HERC2: variants seen among roughly 807,000 people sequenced by gnomAD.
HERC2 encodes E3 ubiquitin-protein ligase HERC2.
A neutral mutation model predicts 537.7 loss-of-function variants in HERC2; 102 were observed. The observed-to-expected ratio is 0.19, with a 90% CI of 0.16 to 0.22. The LOEUF is 0.22. Among genes scored for constraint, HERC2 ranks in the 10% least tolerant of loss-of-function variants. The pLI is 1.00. For missense variants in HERC2, 4,236 were observed against 6,198.2 expected (o/e 0.68, Z 10.63); for synonymous variants, 2,224 against 2,466.2 (o/e 0.90, Z 2.91).
intron 4 of HERC2, among the ~76,000 whole-genome samples, chr15:28,282,765 C>G (rs1453803037): frequency 6.6e-6 from 1 of 152,098 alleles, no homozygotes; most frequent in Admixed American, 6.6e-5. Context: ...AACCTCATCT[C>G]TATTAAAAAT....
chr15:28,137,517 T>C (rs572464299), intron 78 of HERC2, among the ~76,000 whole-genome samples: 2 of 152,370 alleles, frequency 1.3e-5, no homozygotes, highest in Non-Finnish European at 2.9e-5. Context: ...TTTAAACTTT[T>C]TCATTATTTT....
rs2140158726 is a variant in HERC2 at position 28,177,332 on chromosome 15, A to G, written c.9254+87T>C. The G allele has an allele frequency of 7.1e-7, 1 of 1,413,544 alleles. No individual in the cohort carries two copies. Among genetic ancestry groups the G allele is most frequent in the East Asian group, 2.3e-5 (1 of 43,056 alleles). The allele number at this position is 1,413,544 out of a possible 1,614,324, so 87.6% of individuals were successfully genotyped here. A position where few individuals can be genotyped will look rare whatever the true frequency, so the allele number is the denominator to read the frequency against. ...AAGAACCATTTCTATAATCTATTCT[A>G]TTCTAATTTTCTGCAAAATAATTCT... On this transcript the variant is annotated intron_variant, in intron 60 of 92. Coordinates refer to ENST00000261609, the MANE Select transcript of HERC2 (RefSeq NM_004667.6). This position sits in a 1 kb window ranked among gnomAD's most constrained non-coding sequence, Gnocchi z 5.0.
intron 80 of HERC2, 126 bp downstream of exon 80, chr15:28,132,527 C>A (rs1890213220): frequency 1.0e-6 from 1 of 998,520 alleles, no homozygotes; most frequent in African/African-American, 1.6e-5. Flanking sequence ...CTTCTTGCAC[C>A]CAAAAATACA....
At chr15:28,155,777 T>C (rs1354505973) in intron 69 of HERC2, among the ~76,000 whole-genome samples, 2 of 152,184 alleles carry the variant, frequency 1.3e-5, no homozygotes, top group African/African-American at 2.4e-5. Context: ...TTGGATCCCA[T>C]TTGTCAATTT....
chr15:28,153,663 A>T (rs1481315687), intron 69 of HERC2, among the ~76,000 whole-genome samples: 1 of 152,194 alleles, frequency 6.6e-6, no homozygotes, highest in Non-Finnish European at 1.5e-5. Flanking sequence ...AAAAAGAAAA[A>T]GAAAAAAAAG....
intron 20 of HERC2, among the ~76,000 whole-genome samples, chr15:28,252,572 T>C (rs2075119078): frequency 6.6e-6 from 1 of 152,232 alleles, no homozygotes; most frequent in South Asian, 2.1e-4. Flanking sequence ...ACACGGCTTT[T>C]ATTCTTATTC....
intron 71 of HERC2, among the ~76,000 whole-genome samples, chr15:28,145,828 C>A (rs750667490): frequency 6.6e-6 from 1 of 152,204 alleles, no homozygotes. Flanking sequence ...CAGAGATAAG[C>A]CGGACATGTG....
At chr15:28,228,944 C>A (rs561482773) in intron 34 of HERC2, among the ~76,000 whole-genome samples, 22 of 152,324 alleles carry the variant, frequency 1.4e-4, no homozygotes, top group Admixed American at 9.8e-4. Context: ...GACACAGACA[C>A]TTTAGGATAT....
chr15:28,258,340 T>C (rs1026622980), intron 16 of HERC2, among the ~76,000 whole-genome samples: 3 of 151,978 alleles, frequency 2.0e-5, no homozygotes, highest in Admixed American at 6.6e-5. Context: ...AGCATGCTGG[T>C]GCATGCCGGT....
rs534773454 is a variant in HERC2, at chr15:28,271,093, A to G, written c.1084-225T>C. On this transcript the variant is annotated intron_variant, in intron 9 of 92. Transcript: ENST00000261609. ...CACGCATACACAACATTGACTGCGC[A>G]TGTATACATTTATGATACCACAGGT... 3.9e-5 allele frequency among the ~76,000 whole-genome samples: 6 copies of G among 152,318 alleles called. No individual in the cohort carries two copies. In the South Asian group the frequency reaches 6.2e-4, roughly 16 times the overall value.
chr15:28,240,986 T>G (rs1475500342), intron 23 of HERC2, among the ~76,000 whole-genome samples: 1 of 152,160 alleles, frequency 6.6e-6, no homozygotes, highest in Non-Finnish European at 1.5e-5. Flanking sequence ...CTGAATTTGG[T>G]GACGTGTCTT....
At chr15:28,251,066 A>T (rs963853368) in intron 20 of HERC2, among the ~76,000 whole-genome samples, 4 of 152,206 alleles carry the variant, frequency 2.6e-5, no homozygotes, top group African/African-American at 9.6e-5. Context: ...AAGACACAGG[A>T]GACAACCTGT....
intron 72 of HERC2, 148 bp downstream of exon 72, chr15:28,144,525 C>T (rs932168682): frequency 1.0e-5 from 11 of 1,091,988 alleles, no homozygotes; most frequent in Non-Finnish European, 1.5e-5. Flanking sequence ...CTGTTCCACG[C>T]CTCAGCAGGG....
In HERC2 at chr15:28,292,949, A is replaced by G; in HGVS notation, c.261T>C (p.Thr87=). Residue 87 remains threonine, a synonymous_variant, in exon 4 of 93, where the codon ACT becomes ACC. Transcript: ENST00000261609. ...ACTTGGCCCTATATATAGGTGCAGG[A>G]GTTTCTTCTTCATCTTTTTTCTCTT... ...NDKEKKDEEE[T]PAPIYRAKSI... The G allele has an allele frequency of 6.2e-7, 1 of 1,610,914 alleles. No homozygotes were observed. The highest frequency in any genetic ancestry group is 2.2e-5 in the East Asian group (1 of 44,842).
Position 28,275,706 on chromosome 15 carries a change from C to T in HERC2, c.543-701G>A, listed in dbSNP as rs143577354. ...GCTGAGGCAGGAGAATGGTGTGAACCTGGGGGGTGCAGCTTGCAGTGAGCC... is the reference window on the plus strand; with the variant it reads ...GCTGAGGCAGGAGAATGGTGTGAACTTGGGGGGTGCAGCTTGCAGTGAGCC... On this transcript the variant is annotated intron_variant, in intron 5 of 92. Coordinates refer to ENST00000261609, the MANE Select transcript of HERC2 (RefSeq NM_004667.6). Among the ~76,000 whole-genome samples, 99 of 152,020 alleles carry T rather than the reference C, an allele frequency of 6.5e-4. No homozygotes were observed. In the East Asian group the frequency reaches 9.7e-3, roughly 15 times the overall value.
intron 52 of HERC2, among the ~76,000 whole-genome samples, chr15:28,192,943 C>T (rs76461120): frequency 3.3e-5 from 5 of 150,244 alleles, no homozygotes; most frequent in African/African-American, 1.2e-4. Flanking sequence ...TTTTTTTTTC[C>T]AACAGATTGC....
At position 28,238,664 on chromosome 15, in the gene HERC2, T is replaced by G. The variant is rs1472144591; in HGVS notation, c.3686A>C (p.Asp1229Ala). Reference protein sequence around the residue: ...NKDGGFWTVIDGKVYDIKDFQ... With the variant: ...NKDGGFWTVIAGKVYDIKDFQ... ...GTCCTTTATATCATACACCTTCCCG[T>G]CAATCACAGTCCAGAAGCCTCCATC... The change falls in exon 24 of 93, where the codon GAC becomes GCC. Residue 1229 changes from aspartate to alanine, a missense_variant. By Grantham distance (126) the Asp-to-Ala change is moderately radical. This residue lies in a region of HERC2 where 754 missense variants were observed against 1,085.0 expected (regional missense o/e 0.69). Coordinates refer to ENST00000261609, the MANE Select transcript of HERC2 (RefSeq NM_004667.6). The G allele has an allele frequency of 6.2e-7, 1 of 1,611,612 alleles. No individual in the cohort carries two copies. Among genetic ancestry groups the G allele is most frequent in the Non-Finnish European group, 8.5e-7 (1 of 1,179,528 alleles).
chr15:28,241,199 A>G (rs1903079475), intron 23 of HERC2, among the ~76,000 whole-genome samples: 1 of 152,196 alleles, frequency 6.6e-6, no homozygotes, highest in Non-Finnish European at 1.5e-5. Context: ...AAACCCAATT[A>G]AAACACGGGC....
At chr15:28,256,875 G>A (rs112893411) in intron 17 of HERC2, among the ~76,000 whole-genome samples, 186 bp downstream of exon 17, 9 of 152,326 alleles carry the variant, frequency 5.9e-5, no homozygotes, top group African/African-American at 1.2e-4. Context: ...GATTACAGGC[G>A]TGAGCCACCG....
Sources: gnomAD v4.1 joint callset for allele counts (sites outside exome capture counted in the v4.1 genomes callset) on GRCh38, gnomAD v4.1.1 for gene constraint, gnomAD v4.1.1 regional missense constraint, Gnocchi (gnomAD v3.1) non-coding constraint, MANE v1.5 for transcripts, NCBI Gene and HGNC (gene_info 2026-07-23, HGNC 2026-07-21) for gene names.